PTK2: variants seen among roughly 807,000 people sequenced by gnomAD.
PTK2 encodes the protein focal adhesion kinase 1.
Under a neutral mutation model 150.1 loss-of-function variants are expected in PTK2, and 45 were observed. That is an observed-to-expected ratio of 0.30 (90% CI 0.24 to 0.38). The LOEUF (loss-of-function observed/expected upper bound fraction) is 0.38, where lower values mean the gene tolerates loss of function less well. Among genes scored for constraint, PTK2 ranks in the 10% least tolerant of loss-of-function variants. PTK2 has a pLI of 1.00. For missense variants in PTK2, 919 were observed against 1,307.3 expected (o/e 0.70, Z 4.58); for synonymous variants, 432 against 449.2 (o/e 0.96, Z 0.48).
intron 7 of PTK2, among the ~76,000 whole-genome samples, chr8:140,839,268 A>T (rs921427237): frequency 7.9e-5 from 12 of 152,132 alleles, no homozygotes; most frequent in Admixed American, 5.9e-4. Flanking sequence ...CGAAGGCGGA[A>T]GTGGCATCAT....
At chr8:140,672,624 C>CT (rs781319198) in intron 29 of PTK2, among the ~76,000 whole-genome samples, 20 of 152,228 alleles carry the variant, frequency 1.3e-4, no homozygotes, top group Non-Finnish European at 2.6e-4. Context: ...GTGCCAGTGG[C>CT]TGCCCATTCA....
At chr8:140,822,622 G>C (rs2100109443) in intron 8 of PTK2, among the ~76,000 whole-genome samples, 1 of 152,146 alleles carries the variant, frequency 6.6e-6, no homozygotes, top group Non-Finnish European at 1.5e-5. Context: ...AAGATGCTCT[G>C]CTTGATAGAA....
chr8:140,805,284 G>A (rs2100097550), intron 10 of PTK2, among the ~76,000 whole-genome samples: 1 of 152,112 alleles, frequency 6.6e-6, no homozygotes. Context: ...TATTTGGCCG[G>A]GTGTGGTGGC....
chr8:140,809,021 C>T (rs1421244104), intron 10 of PTK2, among the ~76,000 whole-genome samples: 2 of 152,078 alleles, frequency 1.3e-5, no homozygotes, highest in South Asian at 2.1e-4. Context: ...GCATGAGCCA[C>T]GGTGCCTGGC....
chr8:140,919,849 A>G (rs2100166729), intron 2 of PTK2, among the ~76,000 whole-genome samples: 1 of 152,188 alleles, frequency 6.6e-6, no homozygotes, highest in African/African-American at 2.4e-5. Flanking sequence ...ACGTTTTGTA[A>G]ATGTTTAAAA....
At chr8:140,924,068 T>C (rs1349934802) in intron 2 of PTK2, among the ~76,000 whole-genome samples, 2 of 152,126 alleles carry the variant, frequency 1.3e-5, no homozygotes, top group Non-Finnish European at 2.9e-5. Context: ...TGTAAGGCCG[T>C]GCGTGATATG....
intron 3 of PTK2, among the ~76,000 whole-genome samples, chr8:140,883,385 T>C (rs2100150364): frequency 6.6e-6 from 1 of 152,210 alleles, no homozygotes; most frequent in Admixed American, 6.6e-5. Context: ...GGATATTTTA[T>C]ATTTTTAGCT....
At chr8:140,885,381 T>C (rs1368113316) in intron 3 of PTK2, among the ~76,000 whole-genome samples, 1 of 152,214 alleles carries the variant, frequency 6.6e-6, no homozygotes, top group Non-Finnish European at 1.5e-5. Context: ...GTTTGCCTGC[T>C]AGACACTGTT....
chr8:140,803,005 CTTTTTT>C (rs778981723), intron 11 of PTK2, among the ~76,000 whole-genome samples: 5 of 77,364 alleles, frequency 6.5e-5, no homozygotes, highest in Admixed American at 3.7e-4. Flanking sequence ...TGATGACAAT[CTTTTTT>C]TTTTTTTTTT....
rs115016176 is a variant in PTK2 at position 140,896,781 on chromosome 8, A to C, written c.-32-6012T>G. ...ACCATAGACGCCCCCCCTTCCCCCC[A>C]AAAAAACGGGGGGGGGGGGTGGGTA... is the stretch of plus-strand genomic sequence containing the variant. On this transcript the variant is annotated intron_variant, in intron 2 of 31. Coordinates refer to ENST00000522684, the Ensembl canonical transcript of PTK2. Among the ~76,000 whole-genome samples, 414 of 63,296 alleles carry C rather than the reference A, an allele frequency of 6.5e-3. 5 individuals are homozygous for C. The highest frequency in any genetic ancestry group is 0.042 in the Middle Eastern group (5 of 120). The allele number at this position is 63,296 out of a possible 152,430, so 41.5% of individuals were successfully genotyped here. A position where few individuals can be genotyped will look rare whatever the true frequency, so the allele number is the denominator to read the frequency against.
chr8:140,804,747 C>T (rs2100097350), intron 10 of PTK2, among the ~76,000 whole-genome samples: 1 of 152,212 alleles, frequency 6.6e-6, no homozygotes, highest in South Asian at 2.1e-4. Context: ...GAGGTTCACA[C>T]TGGGCTGCCC....
intron 22 of PTK2, chr8:140,734,737 G>A (rs765172813): frequency 1.9e-6 from 1 of 518,298 alleles, no homozygotes; most frequent in Non-Finnish European, 3.8e-6. Flanking sequence ...TTCGGGGCAG[G>A]GTTGATTAGG....
chr8:140,987,432 C>T (rs1325729782), intron 1 of PTK2, among the ~76,000 whole-genome samples: 2 of 152,174 alleles, frequency 1.3e-5, no homozygotes, highest in South Asian at 2.1e-4. Flanking sequence ...CCACCTGCCT[C>T]GGCCTCCCAA....
chr8:140,841,407 A>C (rs1342205836), intron 7 of PTK2, among the ~76,000 whole-genome samples: 1 of 152,198 alleles, frequency 6.6e-6, no homozygotes, highest in African/African-American at 2.4e-5. Flanking sequence ...CTATCTGAGC[A>C]TAATGTCATT....
At chr8:140,942,657 T>C (rs934704292) in intron 1 of PTK2, among the ~76,000 whole-genome samples, 13 of 152,150 alleles carry the variant, frequency 8.5e-5, no homozygotes, top group African/African-American at 3.1e-4. Flanking sequence ...CGCGCATATA[T>C]GTGTGCAAGA....
intron 4 of PTK2, among the ~76,000 whole-genome samples, chr8:140,867,643 G>A (rs754483370): frequency 1.7e-4 from 26 of 152,206 alleles, no homozygotes; most frequent in Admixed American, 3.3e-4. Context: ...GGAGGGAGAG[G>A]ATCAGAAAAA....
At chr8:140,739,030 C>T (rs775267050) in exon 21 of PTK2, 49 of 1,569,698 alleles carry the variant, frequency 3.1e-5, no homozygotes, top group Admixed American at 7.1e-5. Flanking sequence ...AACATCCATA[C>T]GTCACTAGCT....
intron 26 of PTK2, among the ~76,000 whole-genome samples, chr8:140,695,170 T>C (rs1031779320): frequency 2.0e-5 from 3 of 152,236 alleles, no homozygotes; most frequent in Admixed American, 6.5e-5. Context: ...CACAATGTTA[T>C]TTTTGGTGAC....
intron 27 of PTK2, among the ~76,000 whole-genome samples, chr8:140,681,072 A>C (rs563330201): frequency 3.9e-5 from 6 of 152,338 alleles, no homozygotes; most frequent in South Asian, 2.1e-4. Context: ...GATTAAGAAG[A>C]TCTTAAATTC....
Sources: gnomAD v4.1 joint callset for allele counts (sites outside exome capture counted in the v4.1 genomes callset) on GRCh38, gnomAD v4.1.1 for gene constraint, MANE v1.5 for transcripts, NCBI Gene and HGNC (gene_info 2026-07-23, HGNC 2026-07-21) for gene names.